Variants in NAA40 observed in about 807,000 individuals in gnomAD.
NAA40 encodes N-alpha-acetyltransferase 40.
NAA40 carries 26 observed loss-of-function variants against 36.6 expected under a neutral mutation model. That is an observed-to-expected ratio of 0.71 (90% CI 0.52 to 0.98). NAA40 has a LOEUF of 0.98. Among genes scored for constraint, NAA40 ranks in the 50% least tolerant of loss-of-function variants. The pLI is 0.00. For synonymous variants in NAA40, 129 were observed against 108.4 expected, an observed-to-expected ratio of 1.19 and a Z score of -1.18; for missense variants, 237 against 306.5, an observed-to-expected ratio of 0.77 and a Z score of 1.69.
rs1173430974 is a variant in NAA40 at position 63,946,260 on chromosome 11, C to T, written c.102+325C>T. On this transcript the variant is annotated intron_variant, in intron 2 of 7. Transcript: ENST00000377793. Reference sequence around the variant, plus strand: ...TCACTCTGTCATCCAGGCTGGAATGCAGTGGCACTATCTCGGCTCACTTCA... The same window carrying T: ...TCACTCTGTCATCCAGGCTGGAATGTAGTGGCACTATCTCGGCTCACTTCA... 4.0e-5 allele frequency: 12 copies of T among 299,212 alleles called. No homozygotes were observed. The Admixed American group carries it at 5.0e-4, about 12-fold the overall frequency. 18.5% of individuals were successfully genotyped at this position (299,212 alleles called of 1,614,324 possible).
chr11:63,955,681 G>A lies in NAA40; in HGVS notation c.*1202G>A, dbSNP rs1025496965. On this transcript the variant is annotated 3_prime_UTR_variant, in exon 8 of 8. Transcript: ENST00000377793. Reference sequence around the variant, plus strand: ...TGGCCAACAGTTGCTTTTCTCTCTGGTGTCACCCTGTGGCAACAGGCTGGA... The same window carrying A: ...TGGCCAACAGTTGCTTTTCTCTCTGATGTCACCCTGTGGCAACAGGCTGGA... 2.0e-5 allele frequency: 3 copies of A among 152,394 alleles called. No individual in the cohort carries two copies. The highest frequency in any genetic ancestry group is 1.3e-4 in the Admixed American group (2 of 15,278). 9.4% of individuals were successfully genotyped at this position (152,394 alleles called of 1,614,324 possible).
chr11:63,944,223 C>G (rs983691665), intron 1 of NAA40, among the ~76,000 whole-genome samples: 5 of 152,168 alleles, frequency 3.3e-5, no homozygotes, highest in Non-Finnish European at 7.3e-5. Flanking sequence ...TTTTTCAACT[C>G]ATGCAGAAGG....
At chr11:63,940,370 T>A (rs1486400911) in intron 1 of NAA40, among the ~76,000 whole-genome samples, 1 of 152,148 alleles carries the variant, frequency 6.6e-6, no homozygotes. Flanking sequence ...TACATGGAAT[T>A]TCCATCACCT....
chr11:63,954,745 T>C lies in NAA40; in HGVS notation c.*266T>C, dbSNP rs1942337274. The C allele has an allele frequency of 3.1e-6, 1 of 325,056 alleles. No individual in the cohort carries two copies. The allele number at this position is 325,056 out of a possible 1,614,324, so 20.1% of individuals were successfully genotyped here. On this transcript the variant is annotated 3_prime_UTR_variant, in exon 8 of 8. Transcript: ENST00000377793. ...AAGCTCATCCTCCACAGTGGCTGCC[T>C]CCTCATTTGGCTCCTGGGGCCTGCA...
chr11:63,946,878 AACAG>A lies in NAA40; in HGVS notation c.103-72_103-69del, dbSNP rs1942195862. The A allele has an allele frequency of 2.5e-6, 4 of 1,605,348 alleles. No individual in the cohort carries two copies. In the Admixed American group the frequency reaches 5.0e-5, roughly 20 times the overall value. ...TCCCCACAGCATCCCACTCCAAGACAACAGCTCTTGGGATAGGATCTGCACCTCC... is the reference window on the plus strand; with the variant it reads ...TCCCCACAGCATCCCACTCCAAGACACTCTTGGGATAGGATCTGCACCTCC... On this transcript the variant is annotated intron_variant, in intron 2 of 7. Transcript: ENST00000377793.
chr11:63,944,263 C>T (rs527726951), intron 1 of NAA40, among the ~76,000 whole-genome samples: 2 of 152,116 alleles, frequency 1.3e-5, no homozygotes, highest in Non-Finnish European at 2.9e-5. Context: ...TTTCCTGGGG[C>T]CAGTCCGTGT....
chr11:63,946,556 AG>A (rs1942190168), intron 2 of NAA40: 3 of 1,187,318 alleles, frequency 2.5e-6, no homozygotes, highest in African/African-American at 3.2e-5. Flanking sequence ...ACCCACTCAT[AG>A]TAAACACTCA....
At chr11:63,949,617 C>CT (rs1461796218) in intron 3 of NAA40, among the ~76,000 whole-genome samples, 3 of 152,028 alleles carry the variant, frequency 2.0e-5, no homozygotes, top group Non-Finnish European at 4.4e-5. Context: ...TGGGGATAAA[C>CT]TGGGGCTCTG....
chr11:63,948,678 A>G (rs1311979109), intron 3 of NAA40, among the ~76,000 whole-genome samples: 2 of 152,194 alleles, frequency 1.3e-5, no homozygotes, highest in South Asian at 4.2e-4. Context: ...AGATTGCGCC[A>G]TTGCACTCCA....
intron 6 of NAA40, among the ~76,000 whole-genome samples, chr11:63,953,698 C>T (rs1451861143): frequency 6.6e-6 from 1 of 152,168 alleles, no homozygotes; most frequent in Non-Finnish European, 1.5e-5. Flanking sequence ...TATCTCACTG[C>T]AGCCTCTACC....
chr11:63,943,502 G>A lies in NAA40; in HGVS notation c.7-2338G>A, dbSNP rs532337885. Among the ~76,000 whole-genome samples the A allele has an allele frequency of 2.6e-5, 4 of 152,318 alleles. No homozygotes were observed. In the South Asian group the frequency reaches 6.2e-4, roughly 24 times the overall value. On this transcript the variant is annotated intron_variant, in intron 1 of 7. Coordinates refer to ENST00000377793, the MANE Select transcript of NAA40 (RefSeq NM_024771.4). ...GCAGGACATAGGCGCCTCAGTAGGGGACAGTGTGGCCAGTGGAACAAACAT... is the reference window on the plus strand; with the variant it reads ...GCAGGACATAGGCGCCTCAGTAGGGAACAGTGTGGCCAGTGGAACAAACAT...
At chr11:63,945,335 C>T (rs1942169431) in intron 1 of NAA40, among the ~76,000 whole-genome samples, 1 of 152,142 alleles carries the variant, frequency 6.6e-6, no homozygotes. Flanking sequence ...GAAATGAGAC[C>T]CGGCTCCCAC....
chr11:63,952,862 G>A, intron 6 of NAA40, 23 bp downstream of exon 6: 1 of 1,602,392 alleles, frequency 6.2e-7, no homozygotes, highest in Non-Finnish European at 8.5e-7. Context: ...TTCTTAGGAG[G>A]CCCATATAGC....
Position 63,955,261 on chromosome 11 carries a change from C to A in NAA40, c.*782C>A, listed in dbSNP as rs1014841665. On this transcript the variant is annotated 3_prime_UTR_variant, in exon 8 of 8. Coordinates refer to ENST00000377793, the MANE Select transcript of NAA40 (RefSeq NM_024771.4). ...CCTGGTCTCATGGCAGTGACTTGAGCTTTTGATTCATAGAAGAAAGCCAGA... is the reference window on the plus strand; with the variant it reads ...CCTGGTCTCATGGCAGTGACTTGAGATTTTGATTCATAGAAGAAAGCCAGA... 2.6e-5 allele frequency: 4 copies of A among 152,612 alleles called. No homozygotes were observed. The highest frequency in any genetic ancestry group is 5.9e-5 in the Non-Finnish European group (4 of 68,044). 9.5% of individuals were successfully genotyped at this position (152,612 alleles called of 1,614,324 possible).
At chr11:63,940,211 C>T (rs1942086245) in intron 1 of NAA40, among the ~76,000 whole-genome samples, 1 of 151,924 alleles carries the variant, frequency 6.6e-6, no homozygotes, top group African/African-American at 2.4e-5. Flanking sequence ...CTACTATGCC[C>T]GGCTCATTTT....
chr11:63,950,552 T>C (rs139399874), intron 3 of NAA40, among the ~76,000 whole-genome samples: 3 of 152,216 alleles, frequency 2.0e-5, no homozygotes, highest in African/African-American at 7.2e-5. Flanking sequence ...AACCTCTGCC[T>C]CCCTGGTACA....
intron 3 of NAA40, 53 bp from the exon 4 acceptor site, chr11:63,952,185 G>C: frequency 2.2e-6 from 3 of 1,367,818 alleles, no homozygotes; most frequent in Non-Finnish European, 3.1e-6. Flanking sequence ...GAACAGCAGT[G>C]CCCTGGCAGG....
chr11:63,953,195 G>A (rs12280524), intron 6 of NAA40, among the ~76,000 whole-genome samples: 5,077 of 151,980 alleles, frequency 0.033, 288 homozygotes, highest in African/African-American at 0.11. Flanking sequence ...TTACAGGCGC[G>A]CACTGCCATG....
chr11:63,953,941 T>G, intron 6 of NAA40, 31 bp from the exon 7 acceptor site: 1 of 1,604,134 alleles, frequency 6.2e-7, no homozygotes, highest in Non-Finnish European at 8.5e-7. Context: ...TGTTTCTCTT[T>G]CTAAAAGGCG....
Sources: gnomAD v4.1 joint callset for allele counts (sites outside exome capture counted in the v4.1 genomes callset) on GRCh38, gnomAD v4.1.1 for gene constraint, MANE v1.5 for transcripts, NCBI Gene and HGNC (gene_info 2026-07-23, HGNC 2026-07-21) for gene names.